Variants in PPP6R2 observed in about 807,000 individuals in gnomAD.
PPP6R2 encodes the protein serine/threonine-protein phosphatase 6 regulatory subunit 2.
PPP6R2 carries 62 observed loss-of-function variants against 100.2 expected under a neutral mutation model. That is an observed-to-expected ratio of 0.62 (90% CI 0.50 to 0.76). PPP6R2 has a LOEUF of 0.76. PPP6R2 is among the 30% of genes least tolerant of loss of function. The pLI, the probability that PPP6R2 is intolerant of heterozygous loss-of-function variation, is 0.00. For synonymous variants in PPP6R2, 525 were observed against 514.7 expected (o/e 1.02, Z -0.27); for missense variants, 1,142 against 1,276.3 (o/e 0.89, Z 1.60).
At chr22:50,390,061 G>A (rs550329785) in intron 2 of PPP6R2, among the ~76,000 whole-genome samples, 6 of 146,512 alleles carry the variant, frequency 4.1e-5, no homozygotes, top group East Asian at 2.0e-4. Context: ...GTGTGATATC[G>A]GCTTACTACA....
chr22:50,385,619 G>A (rs111477491), intron 2 of PPP6R2, among the ~76,000 whole-genome samples: 4 of 149,472 alleles, frequency 2.7e-5, no homozygotes, highest in Admixed American at 6.7e-5. Flanking sequence ...GGGTTCAAGC[G>A]ATTCTCCTGC....
chr22:50,377,733 G>A (rs888938959), intron 2 of PPP6R2, among the ~76,000 whole-genome samples: 2 of 152,192 alleles, frequency 1.3e-5, no homozygotes, highest in Admixed American at 6.6e-5. Context: ...TTTAGGCCAG[G>A]CGCGGTGGCT....
chr22:50,392,206 A>G (rs895905908), intron 2 of PPP6R2, among the ~76,000 whole-genome samples: 7 of 152,294 alleles, frequency 4.6e-5, no homozygotes, highest in African/African-American at 1.7e-4. Context: ...ACCTAGAAGG[A>G]AAACTGATTG....
Position 50,444,322 on chromosome 22 carries a change from T to G in PPP6R2, c.*75T>G. The stretch of plus-strand genomic sequence containing the variant: ...TCGAGAAAACTACCTGGTGATGCAA[T>G]CTTTTTTTTTTTTAATTTAATTTAA... On this transcript the variant is annotated 3_prime_UTR_variant, in exon 24 of 24. Transcript: ENST00000612753. The G allele has an allele frequency of 7.5e-7, 1 of 1,341,310 alleles. No individual in the cohort carries two copies. The allele number at this position is 1,341,310 out of a possible 1,614,324, so 83.1% of individuals were successfully genotyped here.
At chr22:50,340,055 G>C (rs1329390492), upstream of PPP6R2, among the ~76,000 whole-genome samples, 1 of 137,630 alleles carries the variant, frequency 7.3e-6, no homozygotes, top group Non-Finnish European at 1.6e-5. Context: ...TTAGGGTGTG[G>C]TGTGTGGTGT....
At position 50,421,558 on chromosome 22, in the gene PPP6R2, C is replaced by T. The variant is rs7511250; in HGVS notation, c.846-696C>T. ...TATTACTTTAAAAAATATATGATTACGTATTACTTTTACAACTGGAAAGAG... is the reference window on the plus strand; with the variant it reads ...TATTACTTTAAAAAATATATGATTATGTATTACTTTTACAACTGGAAAGAG... On this transcript the variant is annotated intron_variant, in intron 8 of 23. Coordinates refer to ENST00000612753, the MANE Select transcript of PPP6R2 (RefSeq NM_001242898.2). Among the ~76,000 whole-genome samples the T allele has an allele frequency of 4.4e-3, 663 of 152,162 alleles. 8 individuals are homozygous for T. The highest frequency in any genetic ancestry group is 0.015 in the African/African-American group (618 of 41,516).
chr22:50,440,165 C>A, intron 21 of PPP6R2, 116 bp downstream of exon 21: 2 of 923,250 alleles, frequency 2.2e-6, no homozygotes, highest in South Asian at 1.7e-5. Context: ...CATGCTGCTA[C>A]GTCTCTGGTG....
rs370650684 is a variant in PPP6R2 at position 50,435,079 on chromosome 22, G to A, written c.1514G>A (p.Arg505Gln). The part of the protein sequence containing the change: ...PVQTHISEVI[R>Q]GLPADCRGRW... ...CAGACGCACATCAGCGAGGTCATCC[G>A]AGGTGAGCCCCCAACCCGGTCATCC... Residue 505 changes from arginine (R) to glutamine (Q), a missense_variant and splice_region_variant, in exon 13 of 24, where the codon CGA becomes CAA. Arg to Gln is a conservative substitution (Grantham distance 43). This residue lies in a region of PPP6R2 where 592 missense variants were observed against 758.9 expected (regional missense o/e 0.78). Coordinates refer to ENST00000612753, the MANE Select transcript of PPP6R2 (RefSeq NM_001242898.2). 3.0e-5 allele frequency: 46 copies of A among 1,540,304 alleles called. No individual in the cohort carries two copies. In the East Asian group the frequency reaches 3.3e-4, roughly 11 times the overall value.
intron 4 of PPP6R2, among the ~76,000 whole-genome samples, chr22:50,412,286 G>C (rs1409681221): frequency 6.6e-6 from 1 of 151,434 alleles, no homozygotes; most frequent in Non-Finnish European, 1.5e-5. Flanking sequence ...CTGCCTCCTG[G>C]GTTCAAGCAA....
At chr22:50,375,193 C>T (rs2148584448) in intron 2 of PPP6R2, among the ~76,000 whole-genome samples, 1 of 152,100 alleles carries the variant, frequency 6.6e-6, no homozygotes, top group South Asian at 2.1e-4. Flanking sequence ...TTTTATGTTT[C>T]TGAGAATGTT....
chr22:50,439,662 G>A, intron 19 of PPP6R2, 39 bp from the exon 20 acceptor site: 1 of 1,504,156 alleles, frequency 6.6e-7, no homozygotes, highest in Non-Finnish European at 8.9e-7. Context: ...AGCACCCCAG[G>A]CCTGCCCACG....
intron 2 of PPP6R2, among the ~76,000 whole-genome samples, chr22:50,380,559 C>T (rs2052659857): frequency 6.6e-6 from 1 of 151,460 alleles, no homozygotes; most frequent in Non-Finnish European, 1.5e-5. Flanking sequence ...CGGGGTTTCA[C>T]TACGTTGGCC....
chr22:50,357,086 T>C (rs910589558), intron 1 of PPP6R2, among the ~76,000 whole-genome samples: 2 of 152,218 alleles, frequency 1.3e-5, no homozygotes, highest in Non-Finnish European at 2.9e-5. Context: ...TAGTGGTATC[T>C]TACTGTGGTT....
chr22:50,376,140 G>C (rs1053885515), intron 2 of PPP6R2, among the ~76,000 whole-genome samples: 1 of 151,948 alleles, frequency 6.6e-6, no homozygotes, highest in Non-Finnish European at 1.5e-5. Context: ...AAGCACACAA[G>C]CAAATAAGCC....
intron 14 of PPP6R2, 139 bp downstream of exon 14, chr22:50,436,591 C>A: frequency 2.5e-6 from 2 of 808,980 alleles, no homozygotes; most frequent in Non-Finnish European, 4.1e-6. Context: ...CTATGCGGTG[C>A]CCCTGCATAG....
chr22:50,444,531 G>T lies in PPP6R2; in HGVS notation c.*284G>T, dbSNP rs577425528. On this transcript the variant is annotated 3_prime_UTR_variant, in exon 24 of 24. Transcript: ENST00000612753. Reference sequence around the variant, plus strand: ...AGGTCGGCCTGCAGGAGCCGGGGTGGGGGTGGGGGTGGGGGGGGCAGGACC... The same window carrying T: ...AGGTCGGCCTGCAGGAGCCGGGGTGTGGGTGGGGGTGGGGGGGGCAGGACC... The T allele has an allele frequency of 2.1e-4, 74 of 348,158 alleles. 1 individual carries two copies. Among genetic ancestry groups the T allele is most frequent in the African/African-American group, 2.0e-3 (68 of 33,428 alleles). 21.6% of individuals were successfully genotyped at this position (348,158 alleles called of 1,614,324 possible).
chr22:50,411,870 T>A (rs533715543), intron 4 of PPP6R2, among the ~76,000 whole-genome samples: 1 of 150,538 alleles, frequency 6.6e-6, no homozygotes, highest in Middle Eastern at 3.4e-3. Context: ...ACGGTGAAAC[T>A]CTGTCTCTAC....
At position 50,390,045 on chromosome 22, in the gene PPP6R2, G is replaced by A. The variant is rs150158603; in HGVS notation, c.-16-3848G>A. Reference sequence around the variant, plus strand: ...CTCTCACTGTCACCTAGGCCAGAGTGCAGTGGTGTGATATCGGCTTACTAC... The same window carrying A: ...CTCTCACTGTCACCTAGGCCAGAGTACAGTGGTGTGATATCGGCTTACTAC... On this transcript the variant is annotated intron_variant, in intron 2 of 23. Coordinates refer to ENST00000612753, the MANE Select transcript of PPP6R2 (RefSeq NM_001242898.2). Among the ~76,000 whole-genome samples, 36 of 148,742 alleles carry A rather than the reference G, an allele frequency of 2.4e-4. No individual in the cohort carries two copies. In the East Asian group the frequency reaches 4.2e-3, roughly 17 times the overall value.
chr22:50,438,031 CG>C, intron 17 of PPP6R2, 131 bp downstream of exon 17: 1 of 1,489,040 alleles, frequency 6.7e-7, no homozygotes, highest in East Asian at 2.3e-5. Flanking sequence ...TCGGAACAGT[CG>C]CTTTCCTTGC....
Sources: gnomAD v4.1 joint callset for allele counts (sites outside exome capture counted in the v4.1 genomes callset) on GRCh38, gnomAD v4.1.1 for gene constraint, gnomAD v4.1.1 regional missense constraint, MANE v1.5 for transcripts, NCBI Gene and HGNC (gene_info 2026-07-23, HGNC 2026-07-21) for gene names.